Variants in FANCC observed in about 807,000 individuals in gnomAD.
FANCC encodes the protein FA complementation group C.
Under a neutral mutation model 71.3 loss-of-function variants are expected in FANCC, and 55 were observed. The observed-to-expected ratio is 0.77, with a 90% CI of 0.62 to 0.97. The LOEUF (loss-of-function observed/expected upper bound fraction) is 0.97, where lower values mean the gene tolerates loss of function less well. FANCC is among the 50% of genes least tolerant of loss of function. The pLI, the probability that FANCC is intolerant of heterozygous loss-of-function variation, is 0.00. For missense variants in FANCC, 678 were observed against 670.9 expected, an observed-to-expected ratio of 1.01 and a Z score of -0.12; for synonymous variants, 275 against 244.9, an observed-to-expected ratio of 1.12 and a Z score of -1.15.
At chr9:95,112,593 C>T (rs2072036666) in intron 12 of FANCC, among the ~76,000 whole-genome samples, 1 of 152,172 alleles carries the variant, frequency 6.6e-6, no homozygotes. Context: ...TTAGGCTGTA[C>T]CAGAGTGAGG....
At chr9:95,179,148 G>T (rs1723497902) in intron 4 of FANCC, among the ~76,000 whole-genome samples, 1 of 152,096 alleles carries the variant, frequency 6.6e-6, no homozygotes, top group South Asian at 2.1e-4. Context: ...GTTTTGATGT[G>T]TTCTTTCATC....
At chr9:95,204,860 C>G (rs187554545) in intron 4 of FANCC, among the ~76,000 whole-genome samples, 2 of 152,144 alleles carry the variant, frequency 1.3e-5, no homozygotes, top group Admixed American at 1.3e-4. Context: ...ATCAAACACC[C>G]GATGGCTCCC....
intron 4 of FANCC, among the ~76,000 whole-genome samples, chr9:95,228,933 A>C: frequency 6.6e-6 from 1 of 152,200 alleles, no homozygotes; most frequent in Admixed American, 6.5e-5. Context: ...TCATGAGCCA[A>C]GCATGGACTT....
At chr9:95,313,207 A>T (rs1472087378) in intron 1 of FANCC, among the ~76,000 whole-genome samples, 1 of 152,158 alleles carries the variant, frequency 6.6e-6, no homozygotes, top group African/African-American at 2.4e-5. Flanking sequence ...AGCGTTGGGG[A>T]AGCGGCACAC....
intron 4 of FANCC, among the ~76,000 whole-genome samples, chr9:95,184,119 C>G (rs147431665): frequency 3.3e-5 from 5 of 151,772 alleles, no homozygotes; most frequent in African/African-American, 9.7e-5. Flanking sequence ...CTTCTCCCCC[C>G]CTTTTTTTAA....
At position 95,165,047 on chromosome 9, in the gene FANCC, G is replaced by A. The variant is rs553460515; in HGVS notation, c.521+6032C>T. 3.3e-5 allele frequency among the ~76,000 whole-genome samples: 5 copies of A among 151,766 alleles called. No homozygotes were observed. The South Asian group carries it at 8.4e-4, about 25-fold the overall frequency. On this transcript the variant is annotated intron_variant, in intron 6 of 14. Transcript: ENST00000289081. Reference sequence around the variant, plus strand: ...TATTTTTAGACATTTATTTATTCTAGGTTATTCAATTTGTTGGTATATAAT... The same window carrying A: ...TATTTTTAGACATTTATTTATTCTAAGTTATTCAATTTGTTGGTATATAAT...
chr9:95,222,011 T>C (rs557501375), intron 4 of FANCC, among the ~76,000 whole-genome samples: 2 of 151,750 alleles, frequency 1.3e-5, no homozygotes, highest in African/African-American at 2.4e-5. Context: ...GAAATGAAAA[T>C]GTATGACTAT....
chr9:95,153,587 A>G (rs1830301019), intron 6 of FANCC, among the ~76,000 whole-genome samples: 1 of 152,178 alleles, frequency 6.6e-6, no homozygotes, highest in Non-Finnish European at 1.5e-5. Flanking sequence ...CGTGATGTTG[A>G]GCATTTTTTC....
At chr9:95,177,506 T>C (rs1274691439) in intron 4 of FANCC, among the ~76,000 whole-genome samples, 2 of 152,240 alleles carry the variant, frequency 1.3e-5, no homozygotes, top group Non-Finnish European at 2.9e-5. Flanking sequence ...TAAACTATTC[T>C]TAGCTTACCG....
At chr9:95,249,609 G>A (rs139455018) in intron 1 of FANCC, among the ~76,000 whole-genome samples, 8 of 152,196 alleles carry the variant, frequency 5.3e-5, no homozygotes, top group African/African-American at 9.6e-5. Context: ...ACAGGCACAC[G>A]CTAATTATGC....
At chr9:95,134,717 G>A (rs766061900) in intron 8 of FANCC, among the ~76,000 whole-genome samples, 2 of 152,208 alleles carry the variant, frequency 1.3e-5, no homozygotes, top group Non-Finnish European at 2.9e-5. Context: ...TATGACTGGC[G>A]AGTCAGTGGT....
At chr9:95,130,681 T>A (rs111572427) in intron 8 of FANCC, among the ~76,000 whole-genome samples, 2,977 of 152,298 alleles carry the variant, frequency 0.02, 57 homozygotes, top group Middle Eastern at 0.078. Context: ...GACAATCCCG[T>A]CCCACCGTGT....
intron 4 of FANCC, among the ~76,000 whole-genome samples, chr9:95,209,524 G>A (rs1828363406): frequency 6.6e-6 from 1 of 152,152 alleles, no homozygotes. Context: ...CAATTTTGCT[G>A]CAAACCTAAA....
chr9:95,291,967 A>AAAAAATAT lies in FANCC; in HGVS notation c.-79+25558_-79+25559insATATTTTT, dbSNP rs1441757988. On this transcript the variant is annotated intron_variant, in intron 1 of 14. Coordinates refer to ENST00000289081, the MANE Select transcript of FANCC (RefSeq NM_000136.3). ...TGTCTCAAAAAAAAAAAAAAAAAAAAATATATATATATATATATATATATA... is the reference window on the plus strand; with the variant it reads ...TGTCTCAAAAAAAAAAAAAAAAAAAAAAAAATATATATATATATATATATATATATATA... 2.6e-3 allele frequency among the ~76,000 whole-genome samples: 130 copies of AAAAAATAT among 50,384 alleles called. 1 individual carries two copies. The highest frequency in any genetic ancestry group is 3.4e-3 in the South Asian group (4 of 1,176). The allele number at this position is 50,384 out of a possible 152,430, so 33.1% of individuals were successfully genotyped here.
intron 3 of FANCC, 118 bp from the exon 4 acceptor site, chr9:95,240,861 C>A: frequency 1.5e-6 from 1 of 680,352 alleles, no homozygotes; most frequent in South Asian, 1.7e-5. Context: ...ACAAGTATCC[C>A]TGAATATAAC....
chr9:95,149,907 A>C lies in FANCC; in HGVS notation c.686+16T>G, dbSNP rs774813556. ...GGAAAAACGACGCAGGATGACAGGA[A>C]ACATTTGCCACTTACAGCAAAATGG... is the stretch of plus-strand genomic sequence containing the variant. On this transcript the variant is annotated intron_variant, in intron 7 of 14. Transcript: ENST00000289081. The C allele has an allele frequency of 6.3e-7, 1 of 1,586,626 alleles. No homozygotes were observed. The highest frequency in any genetic ancestry group is 8.6e-7 in the Non-Finnish European group (1 of 1,165,990).
intron 4 of FANCC, among the ~76,000 whole-genome samples, chr9:95,203,079 G>T (rs886979600): frequency 6.6e-6 from 1 of 152,080 alleles, no homozygotes; most frequent in African/African-American, 2.4e-5. Flanking sequence ...TGGCAGCTTT[G>T]CTTGATAATT....
At chr9:95,169,694 T>C (rs759438464) in intron 6 of FANCC, among the ~76,000 whole-genome samples, 5 of 152,220 alleles carry the variant, frequency 3.3e-5, no homozygotes, top group Non-Finnish European at 5.9e-5. Flanking sequence ...ACTTTGAGCT[T>C]GCCTGCAGTA....
intron 4 of FANCC, among the ~76,000 whole-genome samples, chr9:95,229,575 G>C (rs1455058467): frequency 6.6e-6 from 1 of 152,192 alleles, no homozygotes; most frequent in Non-Finnish European, 1.5e-5. Context: ...CTTTTTAACT[G>C]AGTTAAGGAA....
Sources: gnomAD v4.1 joint callset for allele counts (sites outside exome capture counted in the v4.1 genomes callset) on GRCh38, gnomAD v4.1.1 for gene constraint, MANE v1.5 for transcripts, NCBI Gene and HGNC (gene_info 2026-07-23, HGNC 2026-07-21) for gene names.